DGKH: variants seen among roughly 807,000 people sequenced by gnomAD.
The protein encoded by DGKH is diacylglycerol kinase eta.
DGKH carries 90 observed loss-of-function variants against 159.3 expected under a neutral mutation model. That is an observed-to-expected ratio of 0.57 (90% confidence interval 0.48 to 0.67). The LOEUF (loss-of-function observed/expected upper bound fraction) is 0.67, where lower values mean the gene tolerates loss of function less well. DGKH is among the 30% of genes least tolerant of loss of function. DGKH has a pLI of 0.00. For missense variants in DGKH, 1,181 were observed against 1,506.1 expected, an observed-to-expected ratio of 0.78 and a Z score of 3.57; for synonymous variants, 536 against 553.8, an observed-to-expected ratio of 0.97 and a Z score of 0.45.
intron 3 of DGKH, among the ~76,000 whole-genome samples, chr13:42,139,441 G>C (rs189098779): frequency 6.0e-4 from 91 of 152,308 alleles, no homozygotes; most frequent in African/African-American, 2.1e-3. Flanking sequence ...GGTTGGGAGA[G>C]GGCACTTGTC....
chr13:42,123,361 C>CTATGT (rs1955110830), intron 1 of DGKH, among the ~76,000 whole-genome samples: 1 of 151,980 alleles, frequency 6.6e-6, no homozygotes, highest in South Asian at 2.1e-4. Context: ...TGACTAGATT[C>CTATGT]TATGTTGAGA....
intron 1 of DGKH, among the ~76,000 whole-genome samples, chr13:42,060,055 G>A (rs1299685004): frequency 6.6e-6 from 1 of 151,898 alleles, no homozygotes; most frequent in Non-Finnish European, 1.5e-5. Context: ...ACAGGTGCAT[G>A]CCACCACGCC....
chr13:42,071,811 AG>A (rs1330391620), intron 1 of DGKH, among the ~76,000 whole-genome samples: 1 of 152,200 alleles, frequency 6.6e-6, no homozygotes, highest in Admixed American at 6.5e-5. Context: ...TGCTGGCGGC[AG>A]TGGTGTCTCT....
rs1957462141 is a variant in DGKH, at chr13:42,206,029, T to TA, written c.2494-9dup. ...AATCTCTACTTTTTTTTTTTTTTTT[T>TA]ACCTTACAGTGTGATGGGCAGTATA... On this transcript the variant is annotated splice_polypyrimidine_tract_variant and intron_variant, in intron 20 of 29. Coordinates refer to ENST00000337343, the MANE Select transcript of DGKH (RefSeq NM_178009.5). The TA allele has an allele frequency of 1.6e-6, 2 of 1,283,706 alleles. No individual in the cohort carries two copies. The highest frequency in any genetic ancestry group is 1.6e-5 in the African/African-American group (1 of 63,646). The allele number at this position is 1,283,706 out of a possible 1,614,324, so 79.5% of individuals were successfully genotyped here. A position where few individuals can be genotyped will look rare whatever the true frequency, so the allele number is the denominator to read the frequency against.
intron 29 of DGKH, among the ~76,000 whole-genome samples, chr13:42,250,949 T>A (rs1405785080): frequency 6.6e-6 from 1 of 152,244 alleles, no homozygotes; most frequent in African/African-American, 2.4e-5. Context: ...GATTTGAAAG[T>A]GATTACAGCA....
rs761386468 is a variant in DGKH at position 42,160,155 on chromosome 13, G to C, written c.855+19G>C. 2.5e-6 allele frequency: 4 copies of C among 1,614,038 alleles called. No homozygotes were observed. The highest frequency in any genetic ancestry group is 2.5e-6 in the Non-Finnish European group (3 of 1,179,874). Reference sequence around the variant, plus strand: ...GACAATGGTGAGGGTTTTGGAATCAGTTCATCCTTTTTAATTAGCTTCTTT... The same window carrying C: ...GACAATGGTGAGGGTTTTGGAATCACTTCATCCTTTTTAATTAGCTTCTTT... On this transcript the variant is annotated intron_variant, in intron 7 of 29. Transcript: ENST00000337343.
chr13:42,242,897 G>A (rs1436657204), downstream of DGKH: 1 of 152,234 alleles, frequency 6.6e-6, no homozygotes, highest in Non-Finnish European at 1.5e-5. Context: ...TTTGAAGAAA[G>A]TGTGAAGTCT....
chr13:42,103,276 A>G (rs1954686301), intron 1 of DGKH, among the ~76,000 whole-genome samples: 1 of 152,160 alleles, frequency 6.6e-6, no homozygotes, highest in South Asian at 2.1e-4. Flanking sequence ...CTTTGATGTT[A>G]TTAGGGTGGT....
chr13:42,142,823 G>A (rs574167059), intron 3 of DGKH, among the ~76,000 whole-genome samples: 13 of 152,168 alleles, frequency 8.5e-5, no homozygotes, highest in East Asian at 3.9e-4. Context: ...TTCTAGATAT[G>A]CAATCATGTC....
intron 1 of DGKH, chr13:42,071,102 C>A (rs993608822): frequency 1.3e-5 from 12 of 943,924 alleles, no homozygotes; most frequent in Non-Finnish European, 1.7e-5. Context: ...ACTTTGAAAC[C>A]CTTATGATTG....
At chr13:42,189,466 G>A (rs572775064) in intron 15 of DGKH, among the ~76,000 whole-genome samples, 157 bp downstream of exon 15, 1 of 152,182 alleles carries the variant, frequency 6.6e-6, no homozygotes, top group East Asian at 1.9e-4. Flanking sequence ...CTTGTACATA[G>A]TCTTATATAT....
In DGKH at chr13:42,174,088, T is replaced by C. The variant is rs771259901; in HGVS notation, c.1396T>C (p.Leu466=). ...RWSIMTYELK[L]PPKASLLPGP... is the part of the protein sequence containing the mutation. Reference sequence around the variant, plus strand: ...GAGTATAATGACATATGAACTCAAATTGCCACCAAAAGCTTCCCTACTTCC... The same window carrying C: ...GAGTATAATGACATATGAACTCAAACTGCCACCAAAAGCTTCCCTACTTCC... Residue 466 remains leucine (L), a synonymous_variant, in exon 12 of 30, where the codon TTG becomes CTG. Coordinates refer to ENST00000337343, the MANE Select transcript of DGKH (RefSeq NM_178009.5). 3 of 1,613,826 alleles carry C rather than the reference T, an allele frequency of 1.9e-6. No individual in the cohort carries two copies. The highest frequency in any genetic ancestry group is 3.3e-5 in the Admixed American group (2 of 59,980).
chr13:42,179,018 G>T (rs1279547122), intron 13 of DGKH, among the ~76,000 whole-genome samples: 1 of 152,310 alleles, frequency 6.6e-6, no homozygotes, highest in Non-Finnish European at 1.5e-5. Context: ...CAGTAAAGTT[G>T]AGGAAAGACA....
chr13:42,210,813 C>A, intron 24 of DGKH, 48 bp downstream of exon 24: 3 of 1,560,988 alleles, frequency 1.9e-6, no homozygotes, highest in Non-Finnish European at 2.6e-6. Context: ...GTGGTCTCAG[C>A]CAATTTTTGT....
chr13:42,163,914 G>A (rs1295037072), intron 7 of DGKH, among the ~76,000 whole-genome samples: 2 of 152,166 alleles, frequency 1.3e-5, no homozygotes, highest in African/African-American at 4.8e-5. Flanking sequence ...TGCTTTTGGT[G>A]TTTCAGACAT....
intron 20 of DGKH, among the ~76,000 whole-genome samples, chr13:42,201,697 A>G (rs1040234909): frequency 2.0e-5 from 3 of 152,226 alleles, no homozygotes; most frequent in African/African-American, 7.2e-5. Context: ...CAAATGCATT[A>G]TATGAAATAC....
At chr13:42,071,870 A>G (rs1342471348) in intron 1 of DGKH, among the ~76,000 whole-genome samples, 3 of 152,186 alleles carry the variant, frequency 2.0e-5, no homozygotes, top group Non-Finnish European at 2.9e-5. Context: ...CCGACCCGTG[A>G]GAGAGGGCCA....
intron 11 of DGKH, 63 bp downstream of exon 11, chr13:42,168,881 G>C: frequency 6.6e-7 from 1 of 1,507,476 alleles, no homozygotes; most frequent in Non-Finnish European, 8.9e-7. Context: ...TTTTTTTGAT[G>C]ATTTCTTAAT....
chr13:42,166,672 A>G lies in DGKH; in HGVS notation c.1116A>G (p.Leu372=), dbSNP rs777034186. Residue 372 remains leucine, a splice_region_variant and synonymous_variant, in exon 9 of 30, where the codon TTA becomes TTG. Transcript: ENST00000337343. ...ATTTAATGAATGGAGGTCCTCATTT[A>G]GGGTAACTGATTATTGATAAATCTT... The part of the protein sequence containing the change: ...VFDLMNGGPH[L]GLRLFQKFDN... 13 of 1,581,164 alleles carry G rather than the reference A, an allele frequency of 8.2e-6. No individual in the cohort carries two copies. The highest frequency in any genetic ancestry group is 5.6e-5 in the Admixed American group (3 of 53,448).
Sources: gnomAD v4.1 joint callset for allele counts (sites outside exome capture counted in the v4.1 genomes callset) on GRCh38, gnomAD v4.1.1 for gene constraint, MANE v1.5 for transcripts, NCBI Gene and HGNC (gene_info 2026-07-23, HGNC 2026-07-21) for gene names.